CHAT: variants seen among roughly 807,000 people sequenced by gnomAD.
CHAT encodes the protein acetyl CoA:choline O-acetyltransferase.
A neutral mutation model predicts 76.9 loss-of-function variants in CHAT; 61 were observed. That is an observed-to-expected ratio of 0.79 (90% CI 0.65 to 0.98). The LOEUF (loss-of-function observed/expected upper bound fraction) is 0.98, where lower values mean the gene tolerates loss of function less well. CHAT is among the 50% of genes least tolerant of loss of function. The pLI is 0.00. For synonymous variants in CHAT, 407 were observed against 397.4 expected, an observed-to-expected ratio of 1.02 and a Z score of -0.29; for missense variants, 946 against 986.9, an observed-to-expected ratio of 0.96 and a Z score of 0.56.
chr10:49,664,906 T>A lies in CHAT; in HGVS notation c.2107T>A (p.Ser703Thr). 1.2e-6 allele frequency: 2 copies of A among 1,614,218 alleles called. No homozygotes were observed. Among genetic ancestry groups the A allele is most frequent in the South Asian group, 2.2e-5 (2 of 91,086 alleles). The change falls in exon 15 of 15, where the codon TCT becomes ACT. Residue 703 changes from serine to threonine, a missense_variant. Transcript: ENST00000337653. ...ISSFHSCKET[S>T]SSKFAKAVEE... Reference sequence around the variant, plus strand: ...TAGCTTTCACAGCTGCAAAGAGACTTCTTCTAGCAAGTTTGCAAAAGCTGT... The same window carrying A: ...TAGCTTTCACAGCTGCAAAGAGACTACTTCTAGCAAGTTTGCAAAAGCTGT...
chr10:49,626,985 T>C (rs1405000923), intron 6 of CHAT, among the ~76,000 whole-genome samples: 1 of 152,278 alleles, frequency 6.6e-6, no homozygotes, highest in Non-Finnish European at 1.5e-5. Flanking sequence ...TGCATATGAT[T>C]GCTGGCTTGC....
intron 7 of CHAT, among the ~76,000 whole-genome samples, chr10:49,633,530 C>T (rs2132754602): frequency 6.6e-6 from 1 of 152,268 alleles, no homozygotes; most frequent in East Asian, 1.9e-4. Flanking sequence ...GCCAGGGAGG[C>T]CAGGTGGGAT....
chr10:49,649,044 A>G (rs1839779907), intron 9 of CHAT, among the ~76,000 whole-genome samples: 1 of 152,084 alleles, frequency 6.6e-6, no homozygotes, highest in Non-Finnish European at 1.5e-5. Context: ...CCCTAAACAC[A>G]TGGTATTCCT....
In CHAT at chr10:49,666,603, G is replaced by C. The variant is rs1048229966; in HGVS notation, c.*1557G>C. 1.3e-5 allele frequency among the ~76,000 whole-genome samples: 2 copies of C among 152,156 alleles called. No individual in the cohort carries two copies. Among genetic ancestry groups the C allele is most frequent in the Non-Finnish European group, 2.9e-5 (2 of 68,024 alleles). ...CTTCGACCTGGACTGTCACAGGCTG[G>C]CAGAGGTGGGGTGGGCATTTGACCT... On this transcript the variant is annotated 3_prime_UTR_variant, in exon 15 of 15. Transcript: ENST00000337653.
chr10:49,657,729 A>G (rs1446539759), intron 13 of CHAT, among the ~76,000 whole-genome samples: 2 of 152,138 alleles, frequency 1.3e-5, no homozygotes, highest in Non-Finnish European at 2.9e-5. Context: ...ACCATCCCTC[A>G]CCAAGCAGGA....
intron 5 of CHAT, among the ~76,000 whole-genome samples, chr10:49,624,386 G>C (rs146417148): frequency 4.6e-5 from 7 of 152,318 alleles, no homozygotes; most frequent in African/African-American, 1.7e-4. Context: ...GTCAGTCACA[G>C]CAGTTCAGTG....
intron 7 of CHAT, among the ~76,000 whole-genome samples, chr10:49,634,805 C>T (rs1160168276): frequency 6.6e-6 from 1 of 152,098 alleles, no homozygotes; most frequent in African/African-American, 2.4e-5. Context: ...ATACCCTCTG[C>T]CTTTGTGGGA....
Position 49,616,582 on chromosome 10 carries a change from A to G in CHAT, c.367A>G (p.Thr123Ala). ...GGTCCCCCGTAAGATGGCAGCAAAA[A>G]CTCCCAGCAGTGAGGAGTCTGTGAG... ...EKVPRKMAAKTPSSEESGLPK... is the reference protein window; with the variant it reads ...EKVPRKMAAKAPSSEESGLPK... The change falls in exon 2 of 15, where the codon ACT (threonine) becomes GCT (alanine). Residue 123 changes from threonine (T) to alanine (A), a missense_variant. By Grantham distance (58) the Thr-to-Ala change is moderately conservative (BLOSUM62 0). Transcript: ENST00000337653. The G allele has an allele frequency of 3.1e-6, 5 of 1,610,252 alleles. No individual in the cohort carries two copies. Among genetic ancestry groups the G allele is most frequent in the Middle Eastern group, 1.7e-4 (1 of 6,058 alleles).
chr10:49,616,646 C>T, intron 2 of CHAT, 44 bp downstream of exon 2: 2 of 1,330,322 alleles, frequency 1.5e-6, no homozygotes, highest in South Asian at 2.5e-5. Flanking sequence ...CTTTCCCCAC[C>T]TACATGCCCT....
intron 7 of CHAT, among the ~76,000 whole-genome samples, chr10:49,645,928 C>A (rs1839646263): frequency 6.6e-6 from 1 of 152,208 alleles, no homozygotes; most frequent in Non-Finnish European, 1.5e-5. Flanking sequence ...GGCCCTTCTG[C>A]CTGCAGCTCT....
At chr10:49,635,958 C>G (rs1245777381) in intron 7 of CHAT, among the ~76,000 whole-genome samples, 1 of 151,956 alleles carries the variant, frequency 6.6e-6, no homozygotes, top group African/African-American at 2.4e-5. Flanking sequence ...AAAAGGGATA[C>G]AGATCAGAAA....
chr10:49,620,414 A>G lies in CHAT; in HGVS notation c.580-81A>G. On this transcript the variant is annotated intron_variant, in intron 3 of 14. Coordinates refer to ENST00000337653, the MANE Select transcript of CHAT (RefSeq NM_020549.5). ...GAATGAATGAATTAATGCTCTGGTG[A>G]AGTGTCCCGATTTTCTCTCGGGGCT... The G allele has an allele frequency of 5.5e-6, 5 of 916,766 alleles. No homozygotes were observed. The South Asian group carries it at 6.5e-5, about 12-fold the overall frequency. 56.8% of individuals were successfully genotyped at this position (916,766 alleles called of 1,614,324 possible).
At chr10:49,616,677 G>A in intron 2 of CHAT, 75 bp downstream of exon 2, 1 of 1,051,566 alleles carries the variant, frequency 9.5e-7, no homozygotes, top group Middle Eastern at 2.0e-4. Context: ...ACAGTCCTGA[G>A]TGGGACTGGC....
chr10:49,655,095 G>C lies in CHAT; in HGVS notation c.1635G>C (p.Arg545Ser). 1.2e-6 allele frequency: 2 copies of C among 1,614,086 alleles called. No individual in the cohort carries two copies. The highest frequency in any genetic ancestry group is 1.3e-5 in the African/African-American group (1 of 75,016). The part of the protein sequence containing the change: ...IQVALQLAFY[R>S]LHRRLVPTYE... The stretch of plus-strand genomic sequence containing the variant: ...GCCATTCATCCTTCATCCCACGCAG[G>C]CTCCATCGAAGACTGGTGCCCACCT... Residue 545 changes from arginine (R) to serine (S), a missense_variant and splice_region_variant, in exon 12 of 15, where the codon AGG (arginine) becomes AGC (serine). Physicochemically the swap from Arg to Ser is moderately radical, Grantham distance 110. Transcript: ENST00000337653.
chr10:49,656,829 G>A (rs1188688210), intron 13 of CHAT, among the ~76,000 whole-genome samples: 2 of 152,144 alleles, frequency 1.3e-5, no homozygotes, highest in African/African-American at 4.8e-5. Flanking sequence ...TATGGAGGAA[G>A]AGCTGGTGTT....
chr10:49,656,283 GTTTTTTTTTTTTTTT>G lies in CHAT; in HGVS notation c.1839+848_1839+862del, dbSNP rs566849400. On this transcript the variant is annotated intron_variant, in intron 13 of 14. Transcript: ENST00000337653. Reference sequence around the variant, plus strand: ...TAGCACCCACTCATGTATTCAGTGGGTTTTTTTTTTTTTTTTTTTTTTTTTTTGGTCTTCATGCTT... The same window carrying G: ...TAGCACCCACTCATGTATTCAGTGGGTTTTTTTTTTTTGGTCTTCATGCTT... 2.6e-3 allele frequency among the ~76,000 whole-genome samples: 318 copies of G among 121,266 alleles called. 4 individuals are homozygous for G. Among genetic ancestry groups the G allele is most frequent in the African/African-American group, 9.2e-3 (288 of 31,156 alleles). 79.6% of individuals were successfully genotyped at this position (121,266 alleles called of 152,430 possible). A position where few individuals can be genotyped will look rare whatever the true frequency, so the allele number is the denominator to read the frequency against.
intron 13 of CHAT, among the ~76,000 whole-genome samples, chr10:49,659,399 C>A (rs2132843899): frequency 6.6e-6 from 1 of 151,344 alleles, no homozygotes; most frequent in South Asian, 2.1e-4. Context: ...TGAAAAAAAA[C>A]AGAAGATTTA....
chr10:49,612,467 A>C, upstream of CHAT: 1 of 904,938 alleles, frequency 1.1e-6, no homozygotes, highest in Non-Finnish European at 1.7e-6. Context: ...CTCAACCTTG[A>C]CTTCTGCCCA....
At chr10:49,616,407 T>C in intron 1 of CHAT, 95 bp from the exon 2 acceptor site, 2 of 974,132 alleles carry the variant, frequency 2.1e-6, no homozygotes, top group Non-Finnish European at 3.2e-6. Flanking sequence ...GGCCTCCTCA[T>C]GGGGCTGGGG....
Sources: gnomAD v4.1 joint callset for allele counts (sites outside exome capture counted in the v4.1 genomes callset) on GRCh38, gnomAD v4.1.1 for gene constraint, MANE v1.5 for transcripts, NCBI Gene and HGNC (gene_info 2026-07-23, HGNC 2026-07-21) for gene names.